SLC25A21: variants seen among roughly 807,000 people sequenced by gnomAD.
SLC25A21 encodes the protein solute carrier family 25 member 21, also known as mitochondrial 2-oxodicarboxylate carrier.
A neutral mutation model predicts 43.8 loss-of-function variants in SLC25A21; 47 were observed. The ratio of observed to expected loss-of-function variants is 1.07; its 90% CI spans 0.85 to 1.37. SLC25A21 has a LOEUF of 1.37. Among genes scored for constraint, SLC25A21 ranks in the 40% most tolerant of loss-of-function variants. The pLI is 0.00. For synonymous variants in SLC25A21, 131 were observed against 121.3 expected, an observed-to-expected ratio of 1.08 and a Z score of -0.52; for missense variants, 352 against 350.2, an observed-to-expected ratio of 1.00 and a Z score of -0.04.
intron 1 of SLC25A21, among the ~76,000 whole-genome samples, chr14:36,957,747 G>A (rs1260848849): frequency 6.6e-6 from 1 of 152,200 alleles, no homozygotes; most frequent in African/African-American, 2.4e-5. Context: ...AAAAGTGGAT[G>A]CTACATGATT....
At chr14:37,095,991 AG>A (rs1012392564) in intron 1 of SLC25A21, among the ~76,000 whole-genome samples, 1 of 152,188 alleles carries the variant, frequency 6.6e-6, no homozygotes, top group Non-Finnish European at 1.5e-5. Context: ...GTAGCTAACT[AG>A]GAAGAGACAT....
At chr14:37,024,353 T>C (rs1484701422) in intron 1 of SLC25A21, among the ~76,000 whole-genome samples, 1 of 152,064 alleles carries the variant, frequency 6.6e-6, no homozygotes, top group African/African-American at 2.4e-5. Context: ...TGGTTCCAAG[T>C]AGGGTCAACA....
At chr14:36,761,778 A>C (rs1443372745) in intron 3 of SLC25A21, among the ~76,000 whole-genome samples, 1 of 152,238 alleles carries the variant, frequency 6.6e-6, no homozygotes, top group Non-Finnish European at 1.5e-5. Flanking sequence ...ATCAACTATA[A>C]AGATATGCAT....
chr14:36,893,970 G>C (rs1891163490), intron 1 of SLC25A21, among the ~76,000 whole-genome samples: 1 of 152,196 alleles, frequency 6.6e-6, no homozygotes, highest in South Asian at 2.1e-4. Context: ...AAGTCAGGTA[G>C]TGTGATGCCT....
intron 3 of SLC25A21, among the ~76,000 whole-genome samples, chr14:36,742,963 T>C (rs568847448): frequency 6.6e-6 from 1 of 152,166 alleles, no homozygotes; most frequent in Non-Finnish European, 1.5e-5. Context: ...ACCACAACAA[T>C]GAAATTTTTT....
At chr14:36,834,401 C>T (rs748159131) in intron 2 of SLC25A21, among the ~76,000 whole-genome samples, 1 of 152,228 alleles carries the variant, frequency 6.6e-6, no homozygotes, top group Non-Finnish European at 1.5e-5. Flanking sequence ...CACCTACCTA[C>T]TGCATGAACT....
At chr14:36,981,491 TG>T (rs1960021359) in intron 1 of SLC25A21, among the ~76,000 whole-genome samples, 1 of 152,206 alleles carries the variant, frequency 6.6e-6, no homozygotes, top group Non-Finnish European at 1.5e-5. Flanking sequence ...ATATACACCA[TG>T]GAATGCTATG....
At position 36,922,940 on chromosome 14, in the gene SLC25A21, C is replaced by T. The variant is rs113366006; in HGVS notation, c.71-47936G>A. On this transcript the variant is annotated intron_variant, in intron 1 of 9. Coordinates refer to ENST00000331299, the MANE Select transcript of SLC25A21 (RefSeq NM_030631.4). ...AAAATTTACAATGCCCAGAATTCAA[C>T]TGAAAATTATACAGACACTGGAAAG... Among the ~76,000 whole-genome samples, 368 of 152,182 alleles carry T rather than the reference C, an allele frequency of 2.4e-3. 4 individuals are homozygous for T. The highest frequency in any genetic ancestry group is 8.2e-3 in the African/African-American group (342 of 41,544).
intron 1 of SLC25A21, among the ~76,000 whole-genome samples, chr14:36,888,736 T>C (rs1421592617): frequency 6.6e-6 from 1 of 152,130 alleles, no homozygotes; most frequent in Non-Finnish European, 1.5e-5. Flanking sequence ...CTCAAGCAAA[T>C]ACACATCATC....
intron 1 of SLC25A21, among the ~76,000 whole-genome samples, chr14:37,072,908 T>C (rs1962203624): frequency 1.3e-5 from 2 of 152,040 alleles, no homozygotes; most frequent in Non-Finnish European, 2.9e-5. Flanking sequence ...AGATATATCA[T>C]CTTTAAATTC....
intron 6 of SLC25A21, 45 bp downstream of exon 6, chr14:36,725,524 TA>T (rs2139212494): frequency 3.9e-6 from 3 of 773,214 alleles, no homozygotes; most frequent in East Asian, 7.6e-5. Context: ...AATAAATAAA[TA>T]AATTTTTACA....
At position 36,899,864 on chromosome 14, in the gene SLC25A21, T is replaced by C. The variant is rs1404796971; in HGVS notation, c.71-24860A>G. Among the ~76,000 whole-genome samples the C allele has an allele frequency of 5.3e-5, 8 of 152,178 alleles. 1 individual carries two copies. Among genetic ancestry groups the C allele is most frequent in the Non-Finnish European group, 1.2e-4 (8 of 68,036 alleles). On this transcript the variant is annotated intron_variant, in intron 1 of 9. Coordinates refer to ENST00000331299, the MANE Select transcript of SLC25A21 (RefSeq NM_030631.4). Reference sequence around the variant, plus strand: ...TGGTGTTTTCTGGGGTGAACACATATTTCATGTTTTCTGTTTTACCTTACT... The same window carrying C: ...TGGTGTTTTCTGGGGTGAACACATACTTCATGTTTTCTGTTTTACCTTACT...
intron 1 of SLC25A21, among the ~76,000 whole-genome samples, chr14:37,025,889 T>C (rs1261142799): frequency 6.6e-6 from 1 of 152,114 alleles, no homozygotes; most frequent in Non-Finnish European, 1.5e-5. Flanking sequence ...AGTGCATAAA[T>C]TTAAATTGGT....
At chr14:36,991,398 T>C (rs11846154) in intron 1 of SLC25A21, among the ~76,000 whole-genome samples, 13,303 of 152,246 alleles carry the variant, frequency 0.087, 664 homozygotes, top group African/African-American at 0.13. Flanking sequence ...TCAACACTTA[T>C]GGACCTGCTG....
intron 6 of SLC25A21, among the ~76,000 whole-genome samples, chr14:36,713,131 G>A (rs1231923729): frequency 6.6e-6 from 1 of 152,178 alleles, no homozygotes; most frequent in Non-Finnish European, 1.5e-5. Context: ...ACTCCTCTGA[G>A]GTCTTGAGGG....
intron 2 of SLC25A21, among the ~76,000 whole-genome samples, chr14:36,823,800 AC>A (rs1486489471): frequency 6.6e-6 from 1 of 152,018 alleles, no homozygotes; most frequent in African/African-American, 2.4e-5. Context: ...CTCCCAAGCA[AC>A]CCCCTTGAGT....
At chr14:36,758,472 G>A (rs181739835) in intron 3 of SLC25A21, among the ~76,000 whole-genome samples, 9 of 151,776 alleles carry the variant, frequency 5.9e-5, no homozygotes, top group Non-Finnish European at 7.4e-5. Context: ...CTCCAACAAC[G>A]CAGCCAATTA....
intron 1 of SLC25A21, among the ~76,000 whole-genome samples, chr14:36,902,514 A>T (rs1187330903): frequency 1.3e-5 from 2 of 152,164 alleles, no homozygotes; most frequent in African/African-American, 4.8e-5. Context: ...CACAAATCAC[A>T]TATTCCAGGG....
At chr14:36,724,369 T>C (rs909005182) in intron 6 of SLC25A21, among the ~76,000 whole-genome samples, 1 of 152,128 alleles carries the variant, frequency 6.6e-6, no homozygotes. Flanking sequence ...CAGGAAGCTC[T>C]CAGGCAGCAT....
Sources: allele counts gnomAD v4.1 joint callset (sites outside exome capture counted in the v4.1 genomes callset), GRCh38; gene constraint gnomAD v4.1.1; transcripts MANE v1.5; gene names NCBI Gene and HGNC (gene_info 2026-07-23, HGNC 2026-07-21).